The following PRKCE variants were observed in gnomAD, a reference collection of about 807,000 sequenced individuals.
PRKCE encodes the protein protein kinase C epsilon type.
In PRKCE, 16 loss-of-function variants were observed where a neutral mutation model predicts 85.4. That is an observed-to-expected ratio of 0.19 (90% CI 0.13 to 0.28). PRKCE has a LOEUF of 0.28. Ranked by LOEUF, PRKCE falls within the 10% of genes least tolerant of loss-of-function variation. The pLI is 1.00. For missense variants in PRKCE, 573 were observed against 975.2 expected (o/e 0.59, Z 5.49); for synonymous variants, 388 against 371.5 (o/e 1.04, Z -0.51).
intron 1 of PRKCE, among the ~76,000 whole-genome samples, chr2:45,796,037 C>A (rs1687410078): frequency 6.6e-6 from 1 of 152,230 alleles, no homozygotes; most frequent in African/African-American, 2.4e-5. Flanking sequence ...CTTTGCATTT[C>A]TTTGAAAGCA....
chr2:46,070,312 G>C (rs1199090872), intron 10 of PRKCE, among the ~76,000 whole-genome samples: 4 of 152,182 alleles, frequency 2.6e-5, no homozygotes, highest in Non-Finnish European at 5.9e-5. Context: ...ATTTTTGAAT[G>C]TTAGCCTCAA....
At chr2:45,958,653 G>T (rs1015760923) in intron 2 of PRKCE, among the ~76,000 whole-genome samples, 5 of 150,218 alleles carry the variant, frequency 3.3e-5, no homozygotes, top group African/African-American at 1.2e-4. Flanking sequence ...ATTGTGGTGA[G>T]AGAGGGAGTT....
intron 2 of PRKCE, among the ~76,000 whole-genome samples, chr2:45,951,158 A>G (rs1249492728): frequency 6.6e-6 from 1 of 152,200 alleles, no homozygotes; most frequent in Non-Finnish European, 1.5e-5. Flanking sequence ...GGAGTTGATT[A>G]AAGTTACAGA....
At chr2:45,926,275 T>C (rs1429846380) in intron 2 of PRKCE, among the ~76,000 whole-genome samples, 1 of 152,120 alleles carries the variant, frequency 6.6e-6, no homozygotes, top group East Asian at 1.9e-4. Flanking sequence ...GCAAGAGGAA[T>C]ATGGGCAGAG....
At chr2:45,919,089 T>C (rs1334338603) in intron 2 of PRKCE, among the ~76,000 whole-genome samples, 1 of 152,038 alleles carries the variant, frequency 6.6e-6, no homozygotes, top group Non-Finnish European at 1.5e-5. Context: ...AAATCAAGGT[T>C]GTTATATGGA....
intron 2 of PRKCE, among the ~76,000 whole-genome samples, chr2:45,923,132 A>G (rs1043123222): frequency 6.6e-6 from 1 of 152,200 alleles, no homozygotes. Flanking sequence ...GTGTATCTGC[A>G]TGGGGAGAAA....
At chr2:46,057,696 T>A (rs1300722251) in intron 10 of PRKCE, among the ~76,000 whole-genome samples, 2 of 152,060 alleles carry the variant, frequency 1.3e-5, no homozygotes, top group African/African-American at 4.8e-5. Flanking sequence ...AGCCTTCAAA[T>A]TTTTTTTAAT....
intron 1 of PRKCE, among the ~76,000 whole-genome samples, chr2:45,729,614 A>T (rs1419620045): frequency 3.3e-5 from 5 of 152,174 alleles, no homozygotes; most frequent in Admixed American, 6.5e-5. Context: ...TTTTGAAGGG[A>T]TGTGCATACT....
Position 46,145,320 on chromosome 2 carries a change from C to G in PRKCE, c.1731+89C>G. 1 of 1,505,290 alleles carries G rather than the reference C, an allele frequency of 6.6e-7. No homozygotes were observed. The highest frequency in any genetic ancestry group is 9.0e-7 in the Non-Finnish European group (1 of 1,106,350). 93.2% of individuals were successfully genotyped at this position (1,505,290 alleles called of 1,614,324 possible). A position where few individuals can be genotyped will look rare whatever the true frequency, so the allele number is the denominator to read the frequency against. ...CATGCACTGGGGTCATCTAGTGGTG[C>G]TGGGGGAAGGCTCTGGAAATCCAGG... is the stretch of plus-strand genomic sequence containing the variant. On this transcript the variant is annotated intron_variant, in intron 12 of 14. Coordinates refer to ENST00000306156, the MANE Select transcript of PRKCE (RefSeq NM_005400.3). This position sits in a 1 kb window ranked among gnomAD's most constrained non-coding sequence, Gnocchi z 4.6.
rs573654483 is a variant in PRKCE at position 46,129,088 on chromosome 2, C to T, written c.1593-16005C>T. Reference sequence around the variant, plus strand: ...GTGGGCCCCTGAGCAAGACGTGCACCCTCTCTAGGTCTCAGATTTGTCATC... The same window carrying T: ...GTGGGCCCCTGAGCAAGACGTGCACTCTCTCTAGGTCTCAGATTTGTCATC... On this transcript the variant is annotated intron_variant, in intron 11 of 14. Transcript: ENST00000306156. 2.6e-5 allele frequency among the ~76,000 whole-genome samples: 4 copies of T among 152,264 alleles called. No homozygotes were observed. The South Asian group carries it at 6.2e-4, about 24-fold the overall frequency.
At chr2:46,018,905 G>C (rs975994511) in intron 10 of PRKCE, among the ~76,000 whole-genome samples, 1 of 152,230 alleles carries the variant, frequency 6.6e-6, no homozygotes, top group Admixed American at 6.5e-5. Flanking sequence ...GCTGGTAAGT[G>C]CCTGGCTTCC....
chr2:46,146,162 C>G (rs61759980), intron 12 of PRKCE, among the ~76,000 whole-genome samples: 1 of 152,194 alleles, frequency 6.6e-6, no homozygotes, highest in Admixed American at 6.5e-5. Flanking sequence ...TTGCCTTATT[C>G]CTGCCCAAAC....
chr2:45,739,659 G>A (rs138174579), intron 1 of PRKCE, among the ~76,000 whole-genome samples: 385 of 152,244 alleles, frequency 2.5e-3, no homozygotes, highest in Middle Eastern at 0.01. Context: ...AAATTCTAGG[G>A]TTAGGAAATA....
chr2:45,762,683 A>G (rs1414602764), intron 1 of PRKCE, among the ~76,000 whole-genome samples: 1 of 152,228 alleles, frequency 6.6e-6, no homozygotes, highest in Non-Finnish European at 1.5e-5. Flanking sequence ...TCATTTCTCC[A>G]TCAACATAAT....
In PRKCE at chr2:46,160,528, A is replaced by G. The variant is rs1677652250; in HGVS notation, c.2067+776A>G. Among the ~76,000 whole-genome samples the G allele has an allele frequency of 3.9e-5, 6 of 152,208 alleles. No individual in the cohort carries two copies. In the South Asian group the frequency reaches 8.3e-4, roughly 21 times the overall value. ...GTGTTGTAGCCCGTTGAAGCAATCAATCATTCAGACTGAAAATTGAGGTAG... is the reference window on the plus strand; with the variant it reads ...GTGTTGTAGCCCGTTGAAGCAATCAGTCATTCAGACTGAAAATTGAGGTAG... On this transcript the variant is annotated intron_variant, in intron 14 of 14. Coordinates refer to ENST00000306156, the MANE Select transcript of PRKCE (RefSeq NM_005400.3).
chr2:46,101,240 T>G lies in PRKCE; in HGVS notation c.1592+14878T>G, dbSNP rs193106215. On this transcript the variant is annotated intron_variant, in intron 11 of 14. Coordinates refer to ENST00000306156, the MANE Select transcript of PRKCE (RefSeq NM_005400.3). ...TTTGGCACTTGAATTTAGGTGGGGA[T>G]GGCAGACAATAAAAGAAGCAATAAC... Among the ~76,000 whole-genome samples the G allele has an allele frequency of 2.0e-3, 307 of 152,258 alleles. 1 individual carries two copies. Among genetic ancestry groups the G allele is most frequent in the Non-Finnish European group, 2.7e-3 (185 of 68,014 alleles).
chr2:46,057,695 A>T (rs1666725526), intron 10 of PRKCE, among the ~76,000 whole-genome samples: 1 of 151,968 alleles, frequency 6.6e-6, no homozygotes, highest in East Asian at 1.9e-4. Context: ...CAGCCTTCAA[A>T]TTTTTTTTAA....
At chr2:46,087,614 G>T (rs891274880) in intron 11 of PRKCE, among the ~76,000 whole-genome samples, 1 of 152,174 alleles carries the variant, frequency 6.6e-6, no homozygotes, top group Non-Finnish European at 1.5e-5. Context: ...CATGGGAATC[G>T]ACGCATTTGT....
chr2:46,106,152 A>G (rs1210680582), intron 11 of PRKCE, among the ~76,000 whole-genome samples: 1 of 152,218 alleles, frequency 6.6e-6, no homozygotes, highest in Non-Finnish European at 1.5e-5. Context: ...AAATCCATGT[A>G]TTAGTGGACC....
Sources: gnomAD v4.1 joint callset for allele counts (sites outside exome capture counted in the v4.1 genomes callset) on GRCh38, gnomAD v4.1.1 for gene constraint, Gnocchi (gnomAD v3.1) non-coding constraint, MANE v1.5 for transcripts, NCBI Gene and HGNC (gene_info 2026-07-23, HGNC 2026-07-21) for gene names.